Variants in GC observed in about 807,000 individuals in gnomAD.
The protein encoded by GC is GC vitamin D binding protein, also known as vitamin D-binding protein.
A neutral mutation model predicts 56.7 loss-of-function variants in GC; 43 were observed. The ratio of observed to expected loss-of-function variants is 0.76; its 90% CI spans 0.59 to 0.98. The LOEUF is 0.98. Among genes scored for constraint, GC ranks in the 50% least tolerant of loss-of-function variants. The pLI, the probability that GC is intolerant of heterozygous loss-of-function variation, is 0.00. For synonymous variants in GC, 216 were observed against 202.7 expected (o/e 1.07, Z -0.56); for missense variants, 529 against 545.9 (o/e 0.97, Z 0.31).
chr4:71,750,911 CG>C (rs71703927), intron 11 of GC, among the ~76,000 whole-genome samples: 1 of 143,390 alleles, frequency 7.0e-6, no homozygotes, highest in African/African-American at 2.6e-5. Context: ...AAAAAAAAAA[CG>C]GGTTTAAGGG....
Position 71,750,695 on chromosome 4 carries a change from G to A in GC, c.1395+1823C>T, listed in dbSNP as rs187665529. Among the ~76,000 whole-genome samples, 1,185 of 152,060 alleles carry A rather than the reference G, an allele frequency of 7.8e-3. 22 individuals are homozygous for A. Among genetic ancestry groups the A allele is most frequent in the African/African-American group, 0.027 (1,128 of 41,484 alleles). Reference sequence around the variant, plus strand: ...AGGTCAGGAGTTCCAGATCAGCCTGGCCAACATGGTGAAACCCTGTCTCTA... The same window carrying A: ...AGGTCAGGAGTTCCAGATCAGCCTGACCAACATGGTGAAACCCTGTCTCTA... On this transcript the variant is annotated intron_variant, in intron 11 of 12. Transcript: ENST00000273951.
chr4:71,753,052 A>T (rs1322656416), intron 10 of GC, among the ~76,000 whole-genome samples: 1 of 152,128 alleles, frequency 6.6e-6, no homozygotes, highest in Non-Finnish European at 1.5e-5. Flanking sequence ...CATAATTTAT[A>T]TAATTTCACC....
intron 3 of GC, among the ~76,000 whole-genome samples, chr4:71,766,125 C>A (rs1461054298): frequency 6.6e-6 from 1 of 152,170 alleles, no homozygotes; most frequent in Non-Finnish European, 1.5e-5. Context: ...TGAGTAGACT[C>A]TTGATTGCTG....
At position 71,789,337 on chromosome 4, in the gene GC, G is replaced by A. The variant is rs1742917910; in HGVS notation, c.22-5283C>T. On this transcript the variant is annotated intron_variant, in intron 1 of 13. Coordinates refer to the GC transcript ENST00000504199. Reference sequence around the variant, plus strand: ...TGGAGTCCTAAAAAATAGAACAAATGTTAATTTTCATAGCCTGGCTAATCT... The same window carrying A: ...TGGAGTCCTAAAAAATAGAACAAATATTAATTTTCATAGCCTGGCTAATCT... Among the ~76,000 whole-genome samples the A allele has an allele frequency of 2.0e-5, 3 of 151,684 alleles. No homozygotes were observed. The South Asian group carries it at 6.2e-4, about 31-fold the overall frequency.
chr4:71,801,458 T>A (rs1743246772), intron 1 of GC, among the ~76,000 whole-genome samples: 1 of 152,210 alleles, frequency 6.6e-6, no homozygotes. Flanking sequence ...CATTGTGCTA[T>A]GCTTGGATTC....
chr4:71,802,593 C>T (rs963419068), intron 1 of GC, among the ~76,000 whole-genome samples: 3 of 152,116 alleles, frequency 2.0e-5, no homozygotes, highest in Non-Finnish European at 2.9e-5. Context: ...CTGTGATAAG[C>T]CCATCCTAAA....
chr4:71,754,880 G>A (rs1741672163), intron 9 of GC, 98 bp downstream of exon 9: 2 of 707,410 alleles, frequency 2.8e-6, no homozygotes, highest in Non-Finnish European at 4.6e-6. Flanking sequence ...TAGTTTGTAG[G>A]CCATAAAAAA....
chr4:71,784,788 A>T (rs555474392), upstream of GC, among the ~76,000 whole-genome samples: 61 of 151,866 alleles, frequency 4.0e-4, 1 homozygote, highest in South Asian at 0.012. Context: ...CCCTACAGTG[A>T]TTTTAAAGCT....
At chr4:71,766,839 A>C (rs1302320404) in intron 3 of GC, among the ~76,000 whole-genome samples, 1 of 152,124 alleles carries the variant, frequency 6.6e-6, no homozygotes. Context: ...AAGTAAAAAA[A>C]GGTTGACAAA....
intron 12 of GC, among the ~76,000 whole-genome samples, chr4:71,742,470 C>A (rs542537088): frequency 1.3e-5 from 2 of 152,242 alleles, no homozygotes; most frequent in Non-Finnish European, 1.5e-5. Flanking sequence ...ATAAGGGACA[C>A]GAATCTGTTC....
chr4:71,742,924 A>C (rs574997145), intron 12 of GC, among the ~76,000 whole-genome samples: 53 of 152,306 alleles, frequency 3.5e-4, no homozygotes, highest in African/African-American at 1.3e-3. Context: ...CGGTGAGCCC[A>C]GATTGTGCCA....
chr4:71,780,264 C>G (rs1034726590), intron 1 of GC, among the ~76,000 whole-genome samples: 3 of 151,958 alleles, frequency 2.0e-5, no homozygotes, highest in African/African-American at 7.2e-5. Context: ...AATGTTAGAC[C>G]TAAAACCATA....
intron 1 of GC, among the ~76,000 whole-genome samples, chr4:71,803,164 T>A (rs1743291038): frequency 6.6e-6 from 1 of 152,172 alleles, no homozygotes; most frequent in Non-Finnish European, 1.5e-5. Flanking sequence ...GGCTTGTTAT[T>A]TTACTTCTTC....
At chr4:71,767,455 T>A (rs1381016599) in intron 3 of GC, among the ~76,000 whole-genome samples, 1 of 152,020 alleles carries the variant, frequency 6.6e-6, no homozygotes, top group Non-Finnish European at 1.5e-5. Context: ...ACAGGGCAAC[T>A]TTTGAATCCT....
At chr4:71,752,794 T>A in intron 10 of GC, 144 bp from the exon 11 acceptor site, 9 of 666,304 alleles carry the variant, frequency 1.4e-5, no homozygotes, top group Non-Finnish European at 2.3e-5. Flanking sequence ...TCTATACCTG[T>A]GGTATAGAAT....
At chr4:71,746,029 C>G (rs1009248049) in intron 12 of GC, 122 bp downstream of exon 12, 1 of 580,622 alleles carries the variant, frequency 1.7e-6, no homozygotes, top group Non-Finnish European at 3.1e-6. Flanking sequence ...ATATTCTCAT[C>G]TGTAAAATGA....
Position 71,755,055 on chromosome 4 carries a change from T to A in GC, c.1087A>T (p.Lys363Ter). Residue 363 changes from lysine to a stop codon, truncating the protein, a stop_gained, in exon 9 of 13, where the codon AAG (lysine) becomes TAG (stop). Coordinates refer to ENST00000273951, the MANE Select transcript of GC (RefSeq NM_000583.4). LOFTEE classifies it high-confidence loss of function. ...CTTTTTAGGGTTGGCTCAAGTACCT[T>A]ACTGAGGAATACTTCCGGAAGATGA... is the stretch of plus-strand genomic sequence containing the variant. ...RTHLPEVFLSKVLEPTLKSLG... is the reference protein window; with the variant it reads ...RTHLPEVFLS 6.3e-7 allele frequency: 1 copy of A among 1,592,978 alleles called. No homozygotes were observed. Among genetic ancestry groups the A allele is most frequent in the Non-Finnish European group, 8.6e-7 (1 of 1,165,714 alleles).
intron 1 of GC, among the ~76,000 whole-genome samples, chr4:71,779,567 G>C (rs1357635453): frequency 6.6e-6 from 1 of 151,834 alleles, no homozygotes; most frequent in African/African-American, 2.4e-5. Context: ...AAATAGGAGA[G>C]AGAGAGAAGA....
intron 1 of GC, among the ~76,000 whole-genome samples, chr4:71,783,270 G>T (rs1265225652): frequency 1.3e-5 from 2 of 151,688 alleles, no homozygotes; most frequent in Admixed American, 6.6e-5. Context: ...ATGATGAAAA[G>T]TTTCCCAGCT....
Sources: gnomAD v4.1 joint callset for allele counts (sites outside exome capture counted in the v4.1 genomes callset) on GRCh38, gnomAD v4.1.1 for gene constraint, MANE v1.5 for transcripts, NCBI Gene and HGNC (gene_info 2026-07-23, HGNC 2026-07-21) for gene names.